Variants in NAV3 observed in about 807,000 individuals in gnomAD.
NAV3 encodes the protein pore membrane and/or filament interacting like protein 1.
In NAV3, 87 loss-of-function variants were observed where a neutral mutation model predicts 244.7. The observed-to-expected ratio is 0.36, with a 90% confidence interval of 0.30 to 0.42. NAV3 has a LOEUF of 0.42. Ranked by LOEUF, NAV3 falls within the 20% of genes least tolerant of loss-of-function variation. NAV3 has a pLI of 1.00. For missense variants in NAV3, 2,663 were observed against 2,893.3 expected, an observed-to-expected ratio of 0.92 and a Z score of 1.83; for synonymous variants, 1,126 against 1,042.2, an observed-to-expected ratio of 1.08 and a Z score of -1.55.
chr12:77,685,753 C>A (rs1592581014), intron 2 of NAV3, among the ~76,000 whole-genome samples: 1 of 152,056 alleles, frequency 6.6e-6, no homozygotes, highest in East Asian at 1.9e-4. Context: ...ATTAAACTAC[C>A]CTGTGTAGTG....
chr12:77,994,369 C>T (rs1871980545), intron 5 of NAV3, among the ~76,000 whole-genome samples: 1 of 152,218 alleles, frequency 6.6e-6, no homozygotes, highest in African/African-American at 2.4e-5. Context: ...GAAGAGTTTA[C>T]TAAAGGAACT....
chr12:77,892,704 T>C (rs928876927), intron 1 of NAV3, among the ~76,000 whole-genome samples: 2 of 152,208 alleles, frequency 1.3e-5, no homozygotes, highest in Non-Finnish European at 2.9e-5. Flanking sequence ...CGTGAGCCAC[T>C]GCGCCCGGCC....
rs528703862 is a variant in NAV3, at chr12:77,880,635, G to A, written c.243+48931G>A. ...GTGATATTTCCATCAAAGATATGCC[G>A]CATATATGATTGTGGTACCATAAGA... On this transcript the variant is annotated intron_variant, in intron 1 of 39. Transcript: ENST00000397909. Among the ~76,000 whole-genome samples, 7 of 152,194 alleles carry A rather than the reference G, an allele frequency of 4.6e-5. No homozygotes were observed. In the South Asian group the frequency reaches 6.2e-4, roughly 14 times the overall value.
intron 1 of NAV3, among the ~76,000 whole-genome samples, chr12:77,853,596 A>G (rs765205209): frequency 7.9e-5 from 12 of 152,164 alleles, no homozygotes; most frequent in Admixed American, 7.9e-4. Flanking sequence ...TATGTGCAAT[A>G]CTTCTGATAG....
chr12:78,002,937 G>T (rs1161159812), intron 7 of NAV3, among the ~76,000 whole-genome samples: 1 of 151,542 alleles, frequency 6.6e-6, no homozygotes, highest in Non-Finnish European at 1.5e-5. Flanking sequence ...CAAATATTGA[G>T]GTGTCCACAA....
chr12:78,168,991 AGTTG>A, intron 24 of NAV3, 125 bp downstream of exon 24: 15 of 583,222 alleles, frequency 2.6e-5, no homozygotes, highest in Non-Finnish European at 4.5e-5. Flanking sequence ...TTGTATTAAT[AGTTG>A]TATTAATACA....
intron 12 of NAV3, among the ~76,000 whole-genome samples, chr12:78,063,509 T>C (rs896034159): frequency 3.9e-5 from 6 of 152,148 alleles, no homozygotes; most frequent in African/African-American, 1.4e-4. Context: ...TATGATTACT[T>C]CCTAAGTGCC....
chr12:78,205,334 C>T (rs1594047111), intron 39 of NAV3, among the ~76,000 whole-genome samples, 196 bp downstream of exon 39: 1 of 152,024 alleles, frequency 6.6e-6, no homozygotes, highest in Non-Finnish European at 1.5e-5. Context: ...AAAAAGAAAT[C>T]AAGAAATGCT....
At chr12:77,617,986 G>A (rs1210621489) in intron 2 of NAV3, among the ~76,000 whole-genome samples, 2 of 152,162 alleles carry the variant, frequency 1.3e-5, no homozygotes, top group African/African-American at 4.8e-5. Context: ...GAGAAAGCAG[G>A]CCAGAAGCAA....
At chr12:77,857,535 A>C (rs1420511220) in intron 1 of NAV3, among the ~76,000 whole-genome samples, 1 of 151,858 alleles carries the variant, frequency 6.6e-6, no homozygotes, top group Non-Finnish European at 1.5e-5. Flanking sequence ...AGTATTCAGC[A>C]ACATTTATAT....
chr12:77,588,492 T>C (rs1046317174), intron 2 of NAV3, among the ~76,000 whole-genome samples: 2 of 152,174 alleles, frequency 1.3e-5, no homozygotes, highest in Admixed American at 6.5e-5. Flanking sequence ...ATTGAGCTTC[T>C]TTTGCCTTCT....
chr12:77,765,751 G>T (rs188839740), intron 2 of NAV3, among the ~76,000 whole-genome samples: 1 of 152,156 alleles, frequency 6.6e-6, no homozygotes, highest in African/African-American at 2.4e-5. Context: ...CTCAAGTTAG[G>T]CATGCAGACT....
rs12299268 is a variant in NAV3 at position 77,898,733 on chromosome 12, A to G, written c.244-41586A>G. Reference sequence around the variant, plus strand: ...GTGGACAAATATAGATGAGCTTACTATAGCTTTCAAGACTTTCAACTCTCA... The same window carrying G: ...GTGGACAAATATAGATGAGCTTACTGTAGCTTTCAAGACTTTCAACTCTCA... On this transcript the variant is annotated intron_variant, in intron 1 of 39. Transcript: ENST00000397909. 5.3e-3 allele frequency among the ~76,000 whole-genome samples: 802 copies of G among 152,344 alleles called. 6 individuals are homozygous for G. The highest frequency in any genetic ancestry group is 0.018 in the African/African-American group (762 of 41,580).
chr12:78,047,862 G>T (rs982177090), intron 9 of NAV3, among the ~76,000 whole-genome samples: 1 of 152,092 alleles, frequency 6.6e-6, no homozygotes, highest in Non-Finnish European at 1.5e-5. Flanking sequence ...CCTAGGTTTG[G>T]TCTTTTCACA....
chr12:78,078,581 G>A (rs1035520862), intron 12 of NAV3, among the ~76,000 whole-genome samples: 1 of 151,350 alleles, frequency 6.6e-6, no homozygotes, highest in Non-Finnish European at 1.5e-5. Flanking sequence ...ATTTTTAGTA[G>A]AGACGGGGTT....
intron 1 of NAV3, among the ~76,000 whole-genome samples, chr12:77,842,784 C>T (rs940132118): frequency 6.6e-6 from 1 of 151,904 alleles, no homozygotes; most frequent in African/African-American, 2.4e-5. Context: ...AATATTACAC[C>T]GAACAATCTC....
At chr12:77,902,515 G>T (rs1011363240) in intron 1 of NAV3, among the ~76,000 whole-genome samples, 2 of 152,078 alleles carry the variant, frequency 1.3e-5, no homozygotes, top group African/African-American at 4.8e-5. Context: ...TTATATGCTG[G>T]ATTAACCCAC....
chr12:78,207,661 A>T (rs1418839095), intron 39 of NAV3, among the ~76,000 whole-genome samples: 2 of 152,218 alleles, frequency 1.3e-5, no homozygotes, highest in Non-Finnish European at 2.9e-5. Flanking sequence ...ATTAGAGGAC[A>T]GTGTAATAGA....
intron 8 of NAV3, among the ~76,000 whole-genome samples, chr12:78,015,658 G>T (rs1396212100): frequency 1.3e-5 from 2 of 151,958 alleles, no homozygotes; most frequent in South Asian, 4.1e-4. Flanking sequence ...AAGTGAATTT[G>T]TCTCCAGTTG....
Sources: gnomAD v4.1 joint callset for allele counts (sites outside exome capture counted in the v4.1 genomes callset) on GRCh38, gnomAD v4.1.1 for gene constraint, MANE v1.5 for transcripts, NCBI Gene and HGNC (gene_info 2026-07-23, HGNC 2026-07-21) for gene names.